The following PLXNA4 variants were observed in gnomAD, a reference collection of about 807,000 sequenced individuals.
PLXNA4 encodes the protein plexin-A4.
In PLXNA4, 44 loss-of-function variants were observed where a neutral mutation model predicts 191.8. That is an observed-to-expected ratio of 0.23 (90% CI 0.18 to 0.29). PLXNA4 has a LOEUF of 0.29. PLXNA4 is among the 10% of genes least tolerant of loss of function. The probability of loss-of-function intolerance (pLI) is 1.00; values close to 1 mark genes in which losing one functional copy is unlikely to be tolerated. For missense variants in PLXNA4, 1,800 were observed against 2,488.8 expected (o/e 0.72, Z 5.89); for synonymous variants, 1,082 against 1,009.5 (o/e 1.07, Z -1.36).
chr7:132,319,472 G>A (rs7802437), intron 3 of PLXNA4, among the ~76,000 whole-genome samples: 11,679 of 136,882 alleles, frequency 0.085, 1,753 homozygotes, highest in African/African-American at 0.26. Context: ...CCTACTCTAG[G>A]TCTGTTCTCA....
At chr7:132,516,660 CA>C (rs2116329227) in intron 1 of PLXNA4, among the ~76,000 whole-genome samples, 1 of 152,176 alleles carries the variant, frequency 6.6e-6, no homozygotes, top group East Asian at 1.9e-4. Flanking sequence ...CATTCCAGAG[CA>C]AAAAACAGTG....
At chr7:132,222,620 G>A (rs985846598) in intron 9 of PLXNA4, among the ~76,000 whole-genome samples, 4 of 152,194 alleles carry the variant, frequency 2.6e-5, no homozygotes, top group African/African-American at 9.7e-5. Context: ...TGCAGGTGAA[G>A]GTGCTGGAGC....
chr7:132,566,107 G>A (rs1440301615), intron 1 of PLXNA4, among the ~76,000 whole-genome samples: 14 of 152,182 alleles, frequency 9.2e-5, no homozygotes, highest in Non-Finnish European at 2.9e-5. Context: ...GGGCGTCAGG[G>A]GAATTTTGTT....
intron 4 of PLXNA4, among the ~76,000 whole-genome samples, chr7:132,274,048 C>T (rs1800179476): frequency 6.6e-6 from 1 of 151,448 alleles, no homozygotes; most frequent in Middle Eastern, 3.4e-3. Context: ...TTAAAAGCAC[C>T]GTGTTGAGTG....
In PLXNA4 at chr7:132,384,607, A is replaced by T. The variant is rs547702362; in HGVS notation, c.1372-86385T>A. 3.5e-5 allele frequency: 35 copies of T among 990,694 alleles called. No homozygotes were observed. In the African/African-American group the frequency reaches 6.1e-4, roughly 17 times the overall value. 61.4% of individuals were successfully genotyped at this position (990,694 alleles called of 1,614,324 possible). ...TGCACATATGATCAGCTCATCAGGC[A>T]CTGTTGGCTTCCTTTTCTCTTTCCC... On this transcript the variant is annotated intron_variant, in intron 3 of 31. Coordinates refer to ENST00000321063, the MANE Select transcript of PLXNA4 (RefSeq NM_020911.2).
rs767664645 is a variant in PLXNA4 at position 132,180,696 on chromosome 7, C to T, written c.3529G>A (p.Val1177Met). 1.4e-5 allele frequency: 23 copies of T among 1,614,052 alleles called. No individual in the cohort carries two copies. Among genetic ancestry groups the T allele is most frequent in the African/African-American group, 2.7e-5 (2 of 74,922 alleles). Residue 1177 changes from valine to methionine, a missense_variant, in exon 19 of 32, where the codon GTG becomes ATG. Around this residue, in one of 6 missense-constraint regions of PLXNA4, gnomAD observed 1,397 missense variants for 1,880.4 expected, o/e 0.74. Transcript: ENST00000321063. ...ACCAGCACAGTGTAGTTCAGCTTCA[C>T]GTTGCCCCCAGCCACAGGCGGGATC... ...NLIPPVAGGN[V>M]KLNYTVLVGE... is the part of the protein sequence containing the mutation.
chr7:132,288,919 G>A (rs1225667546), intron 4 of PLXNA4, among the ~76,000 whole-genome samples: 1 of 152,178 alleles, frequency 6.6e-6, no homozygotes, highest in Non-Finnish European at 1.5e-5. Flanking sequence ...GAGGCAGGGT[G>A]GAGACAGGGA....
chr7:132,239,538 G>T (rs1798810715), intron 5 of PLXNA4, among the ~76,000 whole-genome samples: 1 of 152,146 alleles, frequency 6.6e-6, no homozygotes, highest in African/African-American at 2.4e-5. Context: ...GGTAGTCAAG[G>T]CCCCCAAGTA....
At chr7:132,354,314 G>C (rs1803613805) in intron 3 of PLXNA4, among the ~76,000 whole-genome samples, 1 of 152,106 alleles carries the variant, frequency 6.6e-6, no homozygotes. Flanking sequence ...ATTTAGCCAG[G>C]AGGAGTTTTT....
At chr7:132,549,775 TTTG>T (rs1276302785) in intron 1 of PLXNA4, among the ~76,000 whole-genome samples, 1 of 2,424 alleles carries the variant, frequency 4.1e-4, no homozygotes, top group Non-Finnish European at 1.6e-3. Flanking sequence ...GGGTGAGTTG[TTTG>T]TTTGTTTGTT....
chr7:132,302,867 TTTTGTTTG>T (rs577272215), intron 3 of PLXNA4, among the ~76,000 whole-genome samples: 5 of 152,028 alleles, frequency 3.3e-5, no homozygotes, highest in African/African-American at 4.8e-5. Flanking sequence ...TAGATTTCTT[TTTTGTTTG>T]TTTGTTTGTT....
chr7:132,246,087 T>C (rs1473085852), intron 4 of PLXNA4, among the ~76,000 whole-genome samples: 1 of 152,250 alleles, frequency 6.6e-6, no homozygotes, highest in Non-Finnish European at 1.5e-5. Flanking sequence ...AATTTTTTTA[T>C]GTGTATTTTA....
At chr7:132,251,480 G>T (rs1799249651) in intron 4 of PLXNA4, among the ~76,000 whole-genome samples, 1 of 152,270 alleles carries the variant, frequency 6.6e-6, no homozygotes, top group Middle Eastern at 3.4e-3. Flanking sequence ...TAGTCCCCAG[G>T]CATATGCTGA....
intron 4 of PLXNA4, among the ~76,000 whole-genome samples, chr7:132,293,279 G>C (rs1800958595): frequency 6.6e-6 from 1 of 152,112 alleles, no homozygotes. Context: ...CCTGAGACTG[G>C]GTAATTTACA....
chr7:132,151,805 G>T (rs537616955), intron 25 of PLXNA4, among the ~76,000 whole-genome samples: 2 of 152,278 alleles, frequency 1.3e-5, no homozygotes, highest in South Asian at 4.1e-4. Flanking sequence ...CTACCCAGCT[G>T]AACCCAGAAT....
At chr7:132,432,999 C>A (rs1247562896) in intron 3 of PLXNA4, among the ~76,000 whole-genome samples, 1 of 152,172 alleles carries the variant, frequency 6.6e-6, no homozygotes, top group Non-Finnish European at 1.5e-5. Flanking sequence ...ATTATACTTA[C>A]ATTGTGCATT....
intron 28 of PLXNA4, 94 bp downstream of exon 28, chr7:132,146,408 AGCATGAAT>A: frequency 6.3e-7 from 1 of 1,592,272 alleles, no homozygotes; most frequent in South Asian, 1.1e-5. Context: ...AGTGGGCACC[AGCATGAAT>A]GCTGGGTACT....
chr7:132,202,537 C>A, intron 12 of PLXNA4, 109 bp downstream of exon 12: 1 of 1,199,956 alleles, frequency 8.3e-7, no homozygotes, highest in Non-Finnish European at 1.1e-6. Flanking sequence ...CCAAGTCCAC[C>A]CAGTGACTAC....
intron 4 of PLXNA4, among the ~76,000 whole-genome samples, chr7:132,249,172 T>A (rs1385088700): frequency 6.6e-6 from 1 of 152,246 alleles, no homozygotes; most frequent in Non-Finnish European, 1.5e-5. Flanking sequence ...GAACAAAATA[T>A]TCCCATTTTT....
Sources: gnomAD v4.1 joint callset for allele counts (sites outside exome capture counted in the v4.1 genomes callset) on GRCh38, gnomAD v4.1.1 for gene constraint, gnomAD v4.1.1 regional missense constraint, MANE v1.5 for transcripts, NCBI Gene and HGNC (gene_info 2026-07-23, HGNC 2026-07-21) for gene names.